The following KCTD8 variants were observed in gnomAD, a reference collection of about 807,000 sequenced individuals.
KCTD8 encodes potassium channel tetramerization domain containing 8, also known as BTB/POZ domain-containing protein KCTD8.
In KCTD8, 27 loss-of-function variants were observed where a neutral mutation model predicts 31.5. That is an observed-to-expected ratio of 0.86 (90% CI 0.63 to 1.18). The LOEUF is 1.18. Among genes scored for constraint, KCTD8 ranks in the 50% most tolerant of loss-of-function variants. KCTD8 has a pLI of 0.00. For synonymous variants in KCTD8, 290 were observed against 280.0 expected (o/e 1.04, Z -0.36); for missense variants, 658 against 647.7 (o/e 1.02, Z -0.17).
chr4:44,179,064 G>A (rs780440777), intron 1 of KCTD8, among the ~76,000 whole-genome samples: 1 of 152,112 alleles, frequency 6.6e-6, no homozygotes, highest in Non-Finnish European at 1.5e-5. Flanking sequence ...TTTTACATGT[G>A]TGTAGAATGA....
intron 1 of KCTD8, among the ~76,000 whole-genome samples, chr4:44,189,063 T>C (rs1185906456): frequency 2.0e-5 from 3 of 152,218 alleles, no homozygotes; most frequent in African/African-American, 7.2e-5. Context: ...AATATTGTCC[T>C]TAATAACTGG....
At chr4:44,262,133 A>G (rs1716199241) in intron 1 of KCTD8, among the ~76,000 whole-genome samples, 1 of 152,214 alleles carries the variant, frequency 6.6e-6, no homozygotes, top group South Asian at 2.1e-4. Context: ...ACGGTTTCTC[A>G]AGATTAACAT....
chr4:44,265,073 C>T (rs867354093), intron 1 of KCTD8, among the ~76,000 whole-genome samples: 45 of 152,146 alleles, frequency 3.0e-4, no homozygotes, highest in African/African-American at 7.7e-4. Context: ...GATCTGAGAA[C>T]GGGCAGACTG....
At chr4:44,354,438 A>G (rs1719292698) in intron 1 of KCTD8, among the ~76,000 whole-genome samples, 1 of 152,134 alleles carries the variant, frequency 6.6e-6, no homozygotes, top group South Asian at 2.1e-4. Flanking sequence ...TTCTCCACCT[A>G]AAACAACCTT....
chr4:44,404,462 G>C (rs1398440692), intron 1 of KCTD8, among the ~76,000 whole-genome samples: 1 of 152,094 alleles, frequency 6.6e-6, no homozygotes, highest in East Asian at 1.9e-4. Flanking sequence ...CTTGCCAAGA[G>C]AACAACTAAA....
At chr4:44,230,144 C>T (rs899448474) in intron 1 of KCTD8, among the ~76,000 whole-genome samples, 1 of 152,194 alleles carries the variant, frequency 6.6e-6, no homozygotes, top group African/African-American at 2.4e-5. Flanking sequence ...ATTGAGGTTG[C>T]TGCAGACCTG....
intron 1 of KCTD8, among the ~76,000 whole-genome samples, chr4:44,240,868 TA>T (rs1714383975): frequency 1.3e-5 from 2 of 152,228 alleles, no homozygotes; most frequent in Non-Finnish European, 2.9e-5. Context: ...TGCAACTGTA[TA>T]AAATAAATGG....
At chr4:44,277,522 G>T (rs997914712) in intron 1 of KCTD8, among the ~76,000 whole-genome samples, 3 of 151,478 alleles carry the variant, frequency 2.0e-5, no homozygotes, top group Non-Finnish European at 4.4e-5. Flanking sequence ...ACAGCTACAC[G>T]GAGTAAATCA....
intron 1 of KCTD8, among the ~76,000 whole-genome samples, chr4:44,268,806 T>C (rs1048548396): frequency 1.4e-4 from 21 of 151,946 alleles, no homozygotes; most frequent in African/African-American, 5.1e-4. Flanking sequence ...TCAAAGAGAA[T>C]AAAATACCTA....
At chr4:44,298,954 T>TA (rs200997300) in intron 1 of KCTD8, among the ~76,000 whole-genome samples, 2 of 151,938 alleles carry the variant, frequency 1.3e-5, no homozygotes, top group African/African-American at 4.8e-5. Context: ...CATACAGTTG[T>TA]AAAAAAAAGT....
At chr4:44,287,128 A>G (rs1229019585) in intron 1 of KCTD8, among the ~76,000 whole-genome samples, 1 of 152,088 alleles carries the variant, frequency 6.6e-6, no homozygotes, top group Non-Finnish European at 1.5e-5. Flanking sequence ...AAAATTGAGA[A>G]TTTAGAGGCT....
intron 1 of KCTD8, among the ~76,000 whole-genome samples, chr4:44,401,119 C>A (rs965315426): frequency 6.8e-6 from 1 of 146,858 alleles, no homozygotes; most frequent in Non-Finnish European, 1.5e-5. Context: ...TCCCAAAGTG[C>A]CAGGATTACA....
chr4:44,350,018 C>T (rs1168791258), intron 1 of KCTD8, among the ~76,000 whole-genome samples: 2 of 152,050 alleles, frequency 1.3e-5, no homozygotes, highest in Non-Finnish European at 2.9e-5. Flanking sequence ...TAACTTCTTT[C>T]ACTTTGATTT....
chr4:44,378,237 A>G (rs1719967052), intron 1 of KCTD8, among the ~76,000 whole-genome samples: 1 of 112,270 alleles, frequency 8.9e-6, no homozygotes, highest in Non-Finnish European at 1.8e-5. Flanking sequence ...ATATATGTAT[A>G]AATATATATA....
intron 1 of KCTD8, among the ~76,000 whole-genome samples, chr4:44,229,581 T>G (rs892623573): frequency 1.7e-4 from 26 of 152,138 alleles, no homozygotes; most frequent in African/African-American, 6.3e-4. Flanking sequence ...ATGCCAGAGG[T>G]GGGTCAGCCT....
At chr4:44,358,835 T>A (rs1258120818) in intron 1 of KCTD8, among the ~76,000 whole-genome samples, 1 of 152,098 alleles carries the variant, frequency 6.6e-6, no homozygotes, top group Non-Finnish European at 1.5e-5. Context: ...TCCCAATGTG[T>A]GTTTCCTGAC....
intron 1 of KCTD8, among the ~76,000 whole-genome samples, chr4:44,214,990 T>C (rs1405981598): frequency 6.6e-6 from 1 of 152,176 alleles, no homozygotes; most frequent in African/African-American, 2.4e-5. Flanking sequence ...ATCATTCAGA[T>C]TAATAAAATG....
chr4:44,299,412 T>G (rs1196670223), intron 1 of KCTD8, among the ~76,000 whole-genome samples: 1 of 152,130 alleles, frequency 6.6e-6, no homozygotes, highest in Admixed American at 6.5e-5. Context: ...GGGAAACTGT[T>G]GTGTATTTCT....
intron 1 of KCTD8, among the ~76,000 whole-genome samples, chr4:44,192,732 G>A (rs1159219271): frequency 6.6e-6 from 1 of 152,142 alleles, no homozygotes; most frequent in Non-Finnish European, 1.5e-5. Context: ...TGCCAAAGGA[G>A]ATTAACATTT....
Sources: gnomAD v4.1 joint callset for allele counts (sites outside exome capture counted in the v4.1 genomes callset) on GRCh38, gnomAD v4.1.1 for gene constraint, MANE v1.5 for transcripts, NCBI Gene and HGNC (gene_info 2026-07-23, HGNC 2026-07-21) for gene names.